Variants in GLIS3 observed in about 807,000 individuals in gnomAD.
GLIS3 encodes GLIS family zinc finger 3.
In GLIS3, 53 loss-of-function variants were observed where a neutral mutation model predicts 78.6. That is an observed-to-expected ratio of 0.67 (90% CI 0.54 to 0.85). The LOEUF is 0.85. Ranked by LOEUF, GLIS3 falls within the 40% of genes least tolerant of loss-of-function variation. The pLI, the probability that GLIS3 is intolerant of heterozygous loss-of-function variation, is 0.00. For synonymous variants in GLIS3, 684 were observed against 509.9 expected, an observed-to-expected ratio of 1.34 and a Z score of -4.60; for missense variants, 1,703 against 1,231.1, an observed-to-expected ratio of 1.38 and a Z score of -5.74.
the GLIS3 span, among the ~76,000 whole-genome samples, chr9:4,464,129 G>A: frequency 6.6e-6 from 1 of 152,090 alleles, no homozygotes; most frequent in Admixed American, 6.5e-5. Context: ...TCATTTCTGT[G>A]TCAGGTTTTT....
chr9:4,308,237 C>A (rs559394964), intron 4 of GLIS3, among the ~76,000 whole-genome samples: 1 of 152,030 alleles, frequency 6.6e-6, no homozygotes, highest in Admixed American at 6.6e-5. Flanking sequence ...AAAGGACCCA[C>A]AGCCCATGAA....
chr9:3,875,824 A>G (rs1320042505), intron 8 of GLIS3, among the ~76,000 whole-genome samples: 1 of 152,100 alleles, frequency 6.6e-6, no homozygotes. Context: ...CAAAACCACA[A>G]AGTGCAAATG....
the GLIS3 span, among the ~76,000 whole-genome samples, chr9:4,467,208 G>C: frequency 4.6e-3 from 702 of 152,322 alleles, 5 homozygotes; most frequent in African/African-American, 0.016. Context: ...TCTGGGGGCA[G>C]GGAATAGCTG....
At chr9:4,224,960 A>G (rs1272069684) in intron 2 of GLIS3, among the ~76,000 whole-genome samples, 4 of 151,734 alleles carry the variant, frequency 2.6e-5, no homozygotes, top group Non-Finnish European at 5.9e-5. Flanking sequence ...CATTACTACA[A>G]TATTTTTAAA....
chr9:3,829,817 C>T (rs1414902058), intron 9 of GLIS3, among the ~76,000 whole-genome samples: 2 of 152,128 alleles, frequency 1.3e-5, no homozygotes, highest in African/African-American at 4.8e-5. Flanking sequence ...GAGGTTCCTA[C>T]CCTAGACTCT....
At chr9:4,214,923 C>A (rs538750878) in intron 2 of GLIS3, among the ~76,000 whole-genome samples, 1 of 152,286 alleles carries the variant, frequency 6.6e-6, no homozygotes, top group Admixed American at 6.5e-5. Context: ...GACAGGCTCA[C>A]CTGGACTTTA....
chr9:4,308,735 A>C (rs963196283), intron 4 of GLIS3: 1 of 152,298 alleles, frequency 6.6e-6, no homozygotes, highest in African/African-American at 2.4e-5. Flanking sequence ...GCCAGGGTGA[A>C]GAACCATTGT....
chr9:4,446,663 C>T, the GLIS3 span, among the ~76,000 whole-genome samples: 4 of 146,922 alleles, frequency 2.7e-5, no homozygotes, highest in Non-Finnish European at 6.0e-5. Context: ...GCACACACCA[C>T]CATGCCCGGC....
intron 4 of GLIS3, among the ~76,000 whole-genome samples, chr9:3,942,603 G>A (rs371937599): frequency 1.3e-5 from 2 of 152,220 alleles, no homozygotes; most frequent in African/African-American, 4.8e-5. Flanking sequence ...TTGAGGAGAG[G>A]TGAGAAATTT....
intron 2 of GLIS3, among the ~76,000 whole-genome samples, chr9:4,232,161 T>C (rs1822312498): frequency 6.6e-6 from 1 of 152,010 alleles, no homozygotes; most frequent in South Asian, 2.1e-4. Context: ...GAGGACTGCT[T>C]GAGGCCAGGG....
At chr9:4,064,293 C>T (rs773313053) in intron 4 of GLIS3, among the ~76,000 whole-genome samples, 1 of 151,948 alleles carries the variant, frequency 6.6e-6, no homozygotes, top group African/African-American at 2.4e-5. Context: ...TTAGAAAACA[C>T]AGATTTTTTA....
the GLIS3 span, among the ~76,000 whole-genome samples, chr9:4,375,367 A>T: frequency 2.0e-5 from 3 of 152,228 alleles, no homozygotes; most frequent in African/African-American, 7.2e-5. Context: ...GAAAAGGGAT[A>T]TATCAAATTA....
intron 4 of GLIS3, among the ~76,000 whole-genome samples, chr9:4,009,681 G>C (rs1821838523): frequency 6.6e-6 from 1 of 152,208 alleles, no homozygotes. Flanking sequence ...AGAAACAAGA[G>C]GCAATAAGGT....
chr9:4,446,506 T>A, the GLIS3 span, among the ~76,000 whole-genome samples: 1 of 88,392 alleles, frequency 1.1e-5, no homozygotes, highest in African/African-American at 3.8e-5. Flanking sequence ...ATATCCAAAT[T>A]TTTTTTTTTT....
the GLIS3 span, among the ~76,000 whole-genome samples, chr9:4,361,331 T>C: frequency 2.6e-5 from 4 of 152,208 alleles, no homozygotes; most frequent in African/African-American, 9.7e-5. Context: ...CCCTGTGAGA[T>C]TGGCTGAAAT....
At chr9:4,312,159 GTTT>G (rs149211539) in intron 2 of GLIS3, among the ~76,000 whole-genome samples, 1 of 152,002 alleles carries the variant, frequency 6.6e-6, no homozygotes, top group African/African-American at 2.4e-5. Flanking sequence ...TTTTGTTTTT[GTTT>G]TTTTAAAAGA....
intron 2 of GLIS3, among the ~76,000 whole-genome samples, chr9:4,173,281 G>C (rs1816526872): frequency 6.6e-6 from 1 of 152,126 alleles, no homozygotes; most frequent in Non-Finnish European, 1.5e-5. Context: ...TTATATTAAG[G>C]CTTTAATGCC....
intron 4 of GLIS3, among the ~76,000 whole-genome samples, chr9:3,954,769 C>T (rs1816973966): frequency 6.6e-6 from 1 of 152,158 alleles, no homozygotes; most frequent in South Asian, 2.1e-4. Context: ...ATTAGAAATT[C>T]TTTCAGGATC....
At chr9:4,059,829 T>TGTGTGAGAGAGAGA in intron 4 of GLIS3, among the ~76,000 whole-genome samples, 108 of 100,702 alleles carry the variant, frequency 1.1e-3, no homozygotes, top group African/African-American at 3.4e-3. Flanking sequence ...TGTGTGTGTG[T>TGTGTGAGAGAGAGA]GAGAGAGAGA....
Sources: gnomAD v4.1 joint callset for allele counts (sites outside exome capture counted in the v4.1 genomes callset) on GRCh38, gnomAD v4.1.1 for gene constraint, MANE v1.5 for transcripts, NCBI Gene and HGNC (gene_info 2026-07-23, HGNC 2026-07-21) for gene names.